RNF220: variants seen among roughly 807,000 people sequenced by gnomAD.
The protein encoded by RNF220 is ring finger protein 220, also known as E3 ubiquitin-protein ligase RNF220.
In RNF220, 7 loss-of-function variants were observed where a neutral mutation model predicts 67.1. The ratio of observed to expected loss-of-function variants is 0.10; its 90% CI spans 0.06 to 0.20. The LOEUF (loss-of-function observed/expected upper bound fraction) is 0.20, where lower values mean the gene tolerates loss of function less well. Among genes scored for constraint, RNF220 ranks in the 10% least tolerant of loss-of-function variants. The probability of loss-of-function intolerance (pLI) is 1.00; values close to 1 mark genes in which losing one functional copy is unlikely to be tolerated. For missense variants in RNF220, 565 were observed against 740.3 expected, an observed-to-expected ratio of 0.76 and a Z score of 2.75; for synonymous variants, 270 against 283.2, an observed-to-expected ratio of 0.95 and a Z score of 0.47.
chr1:44,614,106 G>C, intron 2 of RNF220, 59 bp from the exon 3 acceptor site: 1 of 1,603,726 alleles, frequency 6.2e-7, no homozygotes. Context: ...CTGGGATGCT[G>C]GGTCTGCCTC....
chr1:44,650,215 T>C lies in RNF220; in HGVS notation c.1629+258T>C, dbSNP rs1644754760. On this transcript the variant is annotated intron_variant, in intron 14 of 14. Transcript: ENST00000361799. The surrounding 1 kb of genome is among the most constrained non-coding windows in gnomAD (Gnocchi z 4.3). ...CCCGCCCCGGTCCCCGAAGGCCCAC[T>C]GCATCACACAGACTGGTGAGGCCTG... The C allele has an allele frequency of 3.5e-6, 2 of 571,062 alleles. No individual in the cohort carries two copies. The highest frequency in any genetic ancestry group is 3.8e-5 in the African/African-American group (2 of 53,170). 35.4% of individuals were successfully genotyped at this position (571,062 alleles called of 1,614,324 possible).
intron 2 of RNF220, among the ~76,000 whole-genome samples, chr1:44,560,321 G>A (rs1016996375): frequency 6.6e-6 from 1 of 152,154 alleles, no homozygotes; most frequent in African/African-American, 2.4e-5. Context: ...TGGAAGGGCA[G>A]GTGCTGTTTC....
intron 2 of RNF220, among the ~76,000 whole-genome samples, chr1:44,482,869 C>T (rs572616716): frequency 2.7e-5 from 4 of 150,706 alleles, no homozygotes; most frequent in South Asian, 4.2e-4. Context: ...GATCTACCTG[C>T]CTCGGCCTTC....
intron 5 of RNF220, chr1:44,631,939 A>G (rs1644142234): frequency 1.0e-6 from 1 of 989,026 alleles, no homozygotes; most frequent in Non-Finnish European, 1.2e-6. Flanking sequence ...TTTCACCCCC[A>G]GCGCGCGACG....
At chr1:44,502,052 AACACACACAC>A (rs56978327) in intron 2 of RNF220, among the ~76,000 whole-genome samples, 3,337 of 121,798 alleles carry the variant, frequency 0.027, 116 homozygotes, top group African/African-American at 0.091. Flanking sequence ...ACACCACTGA[AACACACACAC>A]ACACACACAC....
chr1:44,434,194 G>A (rs953531869), intron 2 of RNF220, among the ~76,000 whole-genome samples: 3 of 152,044 alleles, frequency 2.0e-5, no homozygotes, highest in African/African-American at 7.2e-5. Flanking sequence ...AACTATGTAA[G>A]GGTTTGGGAA....
intron 2 of RNF220, among the ~76,000 whole-genome samples, chr1:44,513,977 A>G (rs1044272242): frequency 6.6e-6 from 1 of 152,252 alleles, no homozygotes; most frequent in Non-Finnish European, 1.5e-5. Flanking sequence ...GAAAAGAACC[A>G]TTCGAGTAAT....
At chr1:44,635,480 G>T in intron 6 of RNF220, 65 bp from the exon 7 acceptor site, 1 of 1,582,976 alleles carries the variant, frequency 6.3e-7, no homozygotes, top group East Asian at 2.2e-5. Flanking sequence ...CAGCTCCACT[G>T]GGACCCTGGG....
At chr1:44,464,695 A>G (rs1225080957) in intron 2 of RNF220, among the ~76,000 whole-genome samples, 1 of 152,182 alleles carries the variant, frequency 6.6e-6, no homozygotes, top group Non-Finnish European at 1.5e-5. Flanking sequence ...TCCTCAACCC[A>G]CGAAAGCCTA....
At chr1:44,501,867 C>G (rs985607985) in intron 2 of RNF220, among the ~76,000 whole-genome samples, 3 of 151,886 alleles carry the variant, frequency 2.0e-5, no homozygotes, top group Non-Finnish European at 4.4e-5. Context: ...TCTAATTGCT[C>G]CAAAAAGAAG....
At chr1:44,440,937 C>T (rs1651483164) in intron 2 of RNF220, among the ~76,000 whole-genome samples, 1 of 152,194 alleles carries the variant, frequency 6.6e-6, no homozygotes, top group African/African-American at 2.4e-5. Flanking sequence ...CAAGGATGAG[C>T]TCTTCCCAGG....
chr1:44,471,784 A>G lies in RNF220; in HGVS notation c.625+59062A>G, dbSNP rs1654834116. Among the ~76,000 whole-genome samples, 2 of 152,126 alleles carry G rather than the reference A, an allele frequency of 1.3e-5. 1 individual carries two copies. The highest frequency in any genetic ancestry group is 4.1e-4 in the South Asian group (2 of 4,834). On this transcript the variant is annotated intron_variant, in intron 2 of 14. Coordinates refer to ENST00000361799, the MANE Select transcript of RNF220 (RefSeq NM_018150.4). ...GGCTGCGGTGAGCCGAGATCGCACCATTGCACTCCAGCTTGGGCAACAAGA... is the reference window on the plus strand; with the variant it reads ...GGCTGCGGTGAGCCGAGATCGCACCGTTGCACTCCAGCTTGGGCAACAAGA...
At chr1:44,464,296 G>T (rs1481621138) in intron 2 of RNF220, among the ~76,000 whole-genome samples, 2 of 152,222 alleles carry the variant, frequency 1.3e-5, no homozygotes, top group African/African-American at 4.8e-5. Context: ...GTCCAGGTCT[G>T]TTCCATGTGT....
At chr1:44,556,820 A>G (rs2148276145) in intron 2 of RNF220, among the ~76,000 whole-genome samples, 1 of 151,970 alleles carries the variant, frequency 6.6e-6, no homozygotes, top group East Asian at 1.9e-4. Flanking sequence ...CGGCCTCCCA[A>G]AGTTCTGGGA....
intron 6 of RNF220, among the ~76,000 whole-genome samples, chr1:44,634,099 G>GT (rs773764007): frequency 2.6e-5 from 4 of 152,214 alleles, no homozygotes; most frequent in Non-Finnish European, 5.9e-5. Context: ...TCTTTCTGGG[G>GT]TTGCTCTGTT....
chr1:44,435,924 A>T (rs1017724520), intron 2 of RNF220, among the ~76,000 whole-genome samples: 1 of 152,108 alleles, frequency 6.6e-6, no homozygotes, highest in African/African-American at 2.4e-5. Flanking sequence ...TCCATATCAA[A>T]AAAAAGAAAA....
intron 2 of RNF220, among the ~76,000 whole-genome samples, chr1:44,498,701 T>C (rs950632891): frequency 6.6e-6 from 1 of 152,116 alleles, no homozygotes; most frequent in African/African-American, 2.4e-5. Context: ...AAACTTACTA[T>C]CATCAAGTCT....
chr1:44,632,161 A>G, intron 5 of RNF220, 182 bp from the exon 6 acceptor site: 1 of 1,552,696 alleles, frequency 6.4e-7, no homozygotes, highest in Non-Finnish European at 8.7e-7. Flanking sequence ...GGCTATGCCG[A>G]GAGCCCGGAG....
chr1:44,515,827 C>A (rs1659411169), intron 2 of RNF220, among the ~76,000 whole-genome samples: 1 of 152,154 alleles, frequency 6.6e-6, no homozygotes, highest in African/African-American at 2.4e-5. Context: ...GAGATGGCAA[C>A]CTTGTCCTTA....
Sources: allele counts gnomAD v4.1 joint callset (sites outside exome capture counted in the v4.1 genomes callset), GRCh38; gene constraint gnomAD v4.1.1; non-coding constraint Gnocchi (gnomAD v3.1); transcripts MANE v1.5; gene names NCBI Gene and HGNC (gene_info 2026-07-23, HGNC 2026-07-21).